The following GSPT1 variants were observed in gnomAD, a reference collection of about 807,000 sequenced individuals.
GSPT1 encodes the protein eukaryotic peptide chain release factor GTP-binding subunit ERF3A.
A neutral mutation model predicts 72.5 loss-of-function variants in GSPT1; 20 were observed. The ratio of observed to expected loss-of-function variants is 0.28; its 90% CI spans 0.19 to 0.40. The LOEUF (loss-of-function observed/expected upper bound fraction) is 0.40. Among genes scored for constraint, GSPT1 ranks in the 10% least tolerant of loss-of-function variants. The pLI is 1.00. For synonymous variants in GSPT1, 334 were observed against 293.5 expected, an observed-to-expected ratio of 1.14 and a Z score of -1.41; for missense variants, 580 against 811.9, an observed-to-expected ratio of 0.71 and a Z score of 3.47.
chr16:11,896,937 G>T (rs1220641032), intron 3 of GSPT1, among the ~76,000 whole-genome samples, 152 bp from the exon 4 acceptor site: 1 of 152,150 alleles, frequency 6.6e-6, no homozygotes, highest in Non-Finnish European at 1.5e-5. Context: ...CTCTTTCATA[G>T]CAGAAATGGG....
In GSPT1 at chr16:11,883,643, A is replaced by G. The variant is rs181081161; in HGVS notation, c.1348-548T>C. 2.8e-3 allele frequency among the ~76,000 whole-genome samples: 421 copies of G among 150,164 alleles called. 1 individual carries two copies. Among genetic ancestry groups the G allele is most frequent in the Admixed American group, 4.3e-3 (65 of 14,978 alleles). On this transcript the variant is annotated intron_variant, in intron 10 of 14. Coordinates refer to ENST00000434724, the MANE Select transcript of GSPT1 (RefSeq NM_002094.4). ...TCAAAAAAAAAAAAAGGCTGGGCTC[A>G]GTGGCTCACGCCTGTAATCCCAGCA... is the stretch of plus-strand genomic sequence containing the variant.
At chr16:11,895,260 G>A (rs549605823) in intron 4 of GSPT1, 68 of 239,614 alleles carry the variant, frequency 2.8e-4, no homozygotes, top group African/African-American at 1.5e-3. Flanking sequence ...GTGAAACCCC[G>A]TTTCTACTAA....
rs2141264172 is a variant in GSPT1, at chr16:11,868,490, T to A, written c.*4629A>T. 6.6e-6 allele frequency: 1 copy of A among 152,256 alleles called. No homozygotes were observed. Among genetic ancestry groups the A allele is most frequent in the Non-Finnish European group, 1.5e-5 (1 of 68,030 alleles). The allele number at this position is 152,256 out of a possible 1,614,324, so 9.4% of individuals were successfully genotyped here. On this transcript the variant is annotated 3_prime_UTR_variant, in exon 15 of 15. Coordinates refer to ENST00000434724, the MANE Select transcript of GSPT1 (RefSeq NM_002094.4). ...AACAGAACTAATACCTGTGTACATT[T>A]CTGAGAGCCTGATGTGTGAGTCCTT...
At chr16:11,873,430 T>C (rs893286022) in intron 14 of GSPT1, among the ~76,000 whole-genome samples, 3 of 151,902 alleles carry the variant, frequency 2.0e-5, no homozygotes, top group Non-Finnish European at 4.4e-5. Context: ...TCCTGCCTCA[T>C]CCTCCCCAGT....
At chr16:11,896,374 A>G (rs1355605522) in intron 4 of GSPT1, among the ~76,000 whole-genome samples, 184 bp downstream of exon 4, 1 of 152,228 alleles carries the variant, frequency 6.6e-6, no homozygotes, top group Non-Finnish European at 1.5e-5. Context: ...AGAATTATTC[A>G]TTTGCCTAAA....
intron 1 of GSPT1, among the ~76,000 whole-genome samples, chr16:11,914,555 C>T (rs1013103577): frequency 2.0e-5 from 3 of 152,196 alleles, no homozygotes; most frequent in African/African-American, 4.8e-5. Context: ...ACTACTGATG[C>T]ACGAACACAG....
intron 6 of GSPT1, 81 bp from the exon 7 acceptor site, chr16:11,887,831 T>C: frequency 1.1e-6 from 1 of 922,494 alleles, no homozygotes; most frequent in Non-Finnish European, 1.7e-6. Context: ...AAAGATATAA[T>C]GGATGACACA....
intron 1 of GSPT1, among the ~76,000 whole-genome samples, chr16:11,898,309 C>G (rs993673177): frequency 6.6e-6 from 1 of 152,072 alleles, no homozygotes; most frequent in African/African-American, 2.4e-5. Flanking sequence ...CTTTATAAAC[C>G]TTTTCTTCAC....
chr16:11,915,427 G>C lies in GSPT1; in HGVS notation c.294C>G (p.Pro98=). 6.6e-7 allele frequency: 1 copy of C among 1,514,414 alleles called. No homozygotes were observed. The highest frequency in any genetic ancestry group is 1.2e-5 in the South Asian group (1 of 81,070). The allele number at this position is 1,514,414 out of a possible 1,614,324, so 93.8% of individuals were successfully genotyped here. ...SFLRGPAAPP[P]PVGGAANNHG... is the part of the protein sequence containing the mutation. ...GGTTATTGGCGGCGCCGCCAACTGG[G>C]GGTGGCGGCGCTGCCGGGCCCCGCA... Residue 98 remains proline (P), a synonymous_variant, in exon 1 of 15, where the codon CCC becomes CCG. Transcript: ENST00000434724.
chr16:11,898,800 A>G (rs1181792005), intron 1 of GSPT1, among the ~76,000 whole-genome samples: 1 of 152,152 alleles, frequency 6.6e-6, no homozygotes, highest in Non-Finnish European at 1.5e-5. Context: ...AAATCCCTGA[A>G]TAAATTAGAT....
intron 1 of GSPT1, among the ~76,000 whole-genome samples, chr16:11,907,237 G>A (rs903224016): frequency 2.6e-5 from 4 of 152,192 alleles, no homozygotes; most frequent in Admixed American, 6.5e-5. Context: ...AGTTTCTGGA[G>A]AGTCTCAGTC....
intron 6 of GSPT1, among the ~76,000 whole-genome samples, chr16:11,888,421 C>T (rs1280425435): frequency 6.7e-6 from 1 of 149,928 alleles, no homozygotes; most frequent in Non-Finnish European, 1.5e-5. Context: ...AAGATCGTGC[C>T]ATCGCACTCC....
rs1326129000 is a variant in GSPT1, at chr16:11,869,497, T to C, written c.*3622A>G. ...TGAAAGGATTAATGGCACAGTTTGA[T>C]AAGGTAAGCCAACAATGAATATAAC... is the stretch of plus-strand genomic sequence containing the variant. On this transcript the variant is annotated 3_prime_UTR_variant, in exon 15 of 15. Coordinates refer to ENST00000434724, the MANE Select transcript of GSPT1 (RefSeq NM_002094.4). The C allele has an allele frequency of 2.0e-5, 3 of 152,358 alleles. No homozygotes were observed. The highest frequency in any genetic ancestry group is 2.1e-4 in the South Asian group (1 of 4,828). 9.4% of individuals were successfully genotyped at this position (152,358 alleles called of 1,614,324 possible).
chr16:11,885,127 C>T, intron 10 of GSPT1, 54 bp downstream of exon 10: 1 of 825,224 alleles, frequency 1.2e-6, no homozygotes, highest in Admixed American at 2.0e-5. Flanking sequence ...AAACAAAATG[C>T]ACAACAATGA....
intron 1 of GSPT1, among the ~76,000 whole-genome samples, chr16:11,913,635 G>C (rs1041014002): frequency 6.6e-6 from 1 of 152,178 alleles, no homozygotes; most frequent in Non-Finnish European, 1.5e-5. Context: ...AGTGGTGCTG[G>C]TGGCTCCACA....
chr16:11,888,455 C>G (rs1490496318), intron 6 of GSPT1, among the ~76,000 whole-genome samples: 1 of 141,154 alleles, frequency 7.1e-6, no homozygotes, highest in Non-Finnish European at 1.5e-5. Context: ...GAGGGAGACT[C>G]TGTCTCTCAA....
intron 1 of GSPT1, chr16:11,915,131 A>C: frequency 9.1e-7 from 1 of 1,102,512 alleles, no homozygotes; most frequent in Non-Finnish European, 1.1e-6. Context: ...GAGGGGCGGC[A>C]CTCGGGTCCG....
chr16:11,889,995 C>G (rs1384900097), intron 6 of GSPT1, among the ~76,000 whole-genome samples: 3 of 145,880 alleles, frequency 2.1e-5, no homozygotes, highest in Non-Finnish European at 4.5e-5. Context: ...GTGTCTCACT[C>G]TGTTGCCCAG....
rs2053963629 is a variant in GSPT1 at position 11,870,210 on chromosome 16, G to A, written c.*2909C>T. The A allele has an allele frequency of 6.6e-6, 1 of 151,950 alleles. No individual in the cohort carries two copies. Among genetic ancestry groups the A allele is most frequent in the Non-Finnish European group, 1.5e-5 (1 of 67,984 alleles). 9.4% of individuals were successfully genotyped at this position (151,950 alleles called of 1,614,324 possible). A position where few individuals can be genotyped will look rare whatever the true frequency, so the allele number is the denominator to read the frequency against. ...ATACACACTCAGTCCAACTCTTTTGGTTTGATTTTACATAGATTTTCACTT... is the reference window on the plus strand; with the variant it reads ...ATACACACTCAGTCCAACTCTTTTGATTTGATTTTACATAGATTTTCACTT... On this transcript the variant is annotated 3_prime_UTR_variant, in exon 15 of 15. Transcript: ENST00000434724.
Sources: gnomAD v4.1 joint callset for allele counts (sites outside exome capture counted in the v4.1 genomes callset) on GRCh38, gnomAD v4.1.1 for gene constraint, MANE v1.5 for transcripts, NCBI Gene and HGNC (gene_info 2026-07-23, HGNC 2026-07-21) for gene names.